INO80D: variants seen among roughly 807,000 people sequenced by gnomAD.
INO80D encodes the protein INO80 complex subunit D.
In INO80D, 21 loss-of-function variants were observed where a neutral mutation model predicts 87.6. The ratio of observed to expected loss-of-function variants is 0.24; its 90% CI spans 0.17 to 0.35. INO80D has a LOEUF of 0.35. Ranked by LOEUF, INO80D falls within the 10% of genes least tolerant of loss-of-function variation. The pLI is 1.00. For missense variants in INO80D, 982 were observed against 1,280.7 expected (o/e 0.77, Z 3.56); for synonymous variants, 440 against 491.0 (o/e 0.90, Z 1.37).
At chr2:206,039,968 C>T (rs1044295126) in intron 5 of INO80D, among the ~76,000 whole-genome samples, 2 of 151,660 alleles carry the variant, frequency 1.3e-5, no homozygotes, top group South Asian at 2.1e-4. Flanking sequence ...AATAAACATA[C>T]GACAAAGAGT....
intron 5 of INO80D, among the ~76,000 whole-genome samples, chr2:206,037,408 CAGAA>C (rs1328334574): frequency 6.6e-6 from 1 of 152,022 alleles, no homozygotes. Context: ...ACAGGAGAAT[CAGAA>C]AGAGGCATAC....
intron 8 of INO80D, among the ~76,000 whole-genome samples, chr2:206,010,083 A>ACACACACACACACGCACG (rs142314785): frequency 5.4e-4 from 81 of 151,276 alleles, no homozygotes; most frequent in African/African-American, 1.9e-3. Context: ...ACACACACAC[A>ACACACACACACACGCACG]CACGCACACA....
chr2:206,007,395 T>C lies in INO80D; in HGVS notation c.1807A>G (p.Ile603Val). Residue 603 changes from isoleucine (I) to valine (V), a missense_variant, in exon 10 of 11, where the codon ATT becomes GTT. Physicochemically the swap from Ile to Val is conservative, Grantham distance 29. Coordinates refer to ENST00000403263, the MANE Select transcript of INO80D (RefSeq NM_017759.5). ...ELSADELPDDIANEITDIPHD... is the reference protein window; with the variant it reads ...ELSADELPDDVANEITDIPHD... ...GGAATGTCAGTGATCTCATTGGCAA[T>C]GTCATCCGGCAACTCATCAGCACTC... 6.2e-7 allele frequency: 1 copy of C among 1,613,732 alleles called. No individual in the cohort carries two copies. The highest frequency in any genetic ancestry group is 8.5e-7 in the Non-Finnish European group (1 of 1,179,806).
intron 5 of INO80D, among the ~76,000 whole-genome samples, chr2:206,045,571 G>A (rs1689171006): frequency 6.6e-6 from 1 of 152,158 alleles, no homozygotes; most frequent in Non-Finnish European, 1.5e-5. Context: ...TGAAGAGGAT[G>A]TGCATTCAAC....
Position 206,009,700 on chromosome 2 carries a change from T to G in INO80D, c.1637A>C (p.Lys546Thr). Reference protein sequence around the residue: ...KKTKPPALTKKHKKKRRRGPR... With the variant: ...KKTKPPALTKTHKKKRRRGPR... ...TCCACGCCTTCTCTTCTTCTTGTGT[T>G]TTTTGGTTAGTGCAGGAGGCTTGGT... Residue 546 changes from lysine to threonine, a missense_variant, in exon 9 of 11, where the codon AAA becomes ACA. Transcript: ENST00000403263. 3.7e-6 allele frequency: 6 copies of G among 1,614,024 alleles called. No individual in the cohort carries two copies. Among genetic ancestry groups the G allele is most frequent in the Non-Finnish European group, 5.1e-6 (6 of 1,179,894 alleles).
chr2:206,063,248 T>C lies in INO80D; in HGVS notation c.-123-4A>G, dbSNP rs554142400. 11 of 542,082 alleles carry C rather than the reference T, an allele frequency of 2.0e-5. No individual in the cohort carries two copies. Among genetic ancestry groups the C allele is most frequent in the East Asian group, 6.6e-5 (2 of 30,528 alleles). The allele number at this position is 542,082 out of a possible 1,614,324, so 33.6% of individuals were successfully genotyped here. A position where few individuals can be genotyped will look rare whatever the true frequency, so the allele number is the denominator to read the frequency against. ...GAATCAGGATGAAGCAGATTGTCTA[T>C]AAAAATATCAAAAGGCCTAGTTAAC... is the stretch of plus-strand genomic sequence containing the variant. On this transcript the variant is annotated splice_region_variant and splice_polypyrimidine_tract_variant and intron_variant, in intron 1 of 10. Transcript: ENST00000403263.
intron 5 of INO80D, among the ~76,000 whole-genome samples, chr2:206,039,241 T>C (rs962344586): frequency 1.3e-5 from 2 of 151,540 alleles, no homozygotes; most frequent in Non-Finnish European, 2.9e-5. Flanking sequence ...CTACTAAAAA[T>C]ACGAAATTAG....
Position 206,004,797 on chromosome 2 carries a change from G to A in INO80D, c.2655C>T (p.Asn885=). The stretch of plus-strand genomic sequence containing the variant: ...GGAGATTGCCCCAGTGAGTTCTGGG[G>A]TTTACCACGCCTCCAAGTGGCACCT... ...QLEVPLGGVV[N]PRTHWGNLPV... is the part of the protein sequence containing the mutation. The change falls in exon 11 of 11, where the codon AAC becomes AAT. Residue 885 remains asparagine (N), a synonymous_variant. Coordinates refer to ENST00000403263, the MANE Select transcript of INO80D (RefSeq NM_017759.5). The surrounding 1 kb of genome is among the most constrained non-coding windows in gnomAD (Gnocchi z 4.9). 1 of 1,614,026 alleles carries A rather than the reference G, an allele frequency of 6.2e-7. No individual in the cohort carries two copies. The highest frequency in any genetic ancestry group is 8.5e-7 in the Non-Finnish European group (1 of 1,179,900).
chr2:206,071,205 T>G (rs1159230642), intron 1 of INO80D, among the ~76,000 whole-genome samples: 1 of 143,122 alleles, frequency 7.0e-6, no homozygotes, highest in Non-Finnish European at 1.5e-5. Context: ...GTGATCCGCC[T>G]GCCTCAGCCT....
At chr2:206,049,590 A>G (rs1689292914) in intron 4 of INO80D, among the ~76,000 whole-genome samples, 2 of 152,210 alleles carry the variant, frequency 1.3e-5, no homozygotes, top group Non-Finnish European at 2.9e-5. Context: ...TAACTGTCCA[A>G]TAAAGCAAAC....
chr2:206,084,795 G>A (rs974184595), intron 1 of INO80D: 1 of 152,220 alleles, frequency 6.6e-6, no homozygotes, highest in Non-Finnish European at 1.5e-5. Flanking sequence ...TGGGGTAAGG[G>A]CTAAAAAAGG....
rs1197146529 is a variant in INO80D, at chr2:206,085,439, G to A, written c.-124+462C>T. On this transcript the variant is annotated intron_variant, in intron 1 of 10. Transcript: ENST00000403263. This position sits in a 1 kb window ranked among gnomAD's most constrained non-coding sequence, Gnocchi z 4.5. Reference sequence around the variant, plus strand: ...GCAGCCCGGGCCTGCCGCCCCGCGGGAAAGCCTCCGGGCCGGCGCGGGATT... The same window carrying A: ...GCAGCCCGGGCCTGCCGCCCCGCGGAAAAGCCTCCGGGCCGGCGCGGGATT... 2 of 151,850 alleles carry A rather than the reference G, an allele frequency of 1.3e-5. No homozygotes were observed. The highest frequency in any genetic ancestry group is 1.9e-4 in the East Asian group (1 of 5,132). 9.4% of individuals were successfully genotyped at this position (151,850 alleles called of 1,614,324 possible).
rs180879501 is a variant in INO80D, at chr2:206,085,594, C to G, written c.-124+307G>C. Reference sequence around the variant, plus strand: ...GGCCCGAGGCCTACCGGCGCCCCCCCCTCCCGCCGCACACCCCCACCTGGC... The same window carrying G: ...GGCCCGAGGCCTACCGGCGCCCCCCGCTCCCGCCGCACACCCCCACCTGGC... On this transcript the variant is annotated intron_variant, in intron 1 of 10. Transcript: ENST00000403263. This position sits in a 1 kb window ranked among gnomAD's most constrained non-coding sequence, Gnocchi z 4.5. 25,740 of 148,956 alleles carry G rather than the reference C, an allele frequency of 0.17. 2,761 individuals are homozygous for G. The highest frequency in any genetic ancestry group is 0.25 in the Non-Finnish European group (16,492 of 66,738). 9.2% of individuals were successfully genotyped at this position (148,956 alleles called of 1,614,324 possible). A position where few individuals can be genotyped will look rare whatever the true frequency, so the allele number is the denominator to read the frequency against.
intron 10 of INO80D, among the ~76,000 whole-genome samples, chr2:206,005,884 A>G (rs1166373115): frequency 6.6e-6 from 1 of 152,250 alleles, no homozygotes; most frequent in African/African-American, 2.4e-5. Flanking sequence ...TAATATTATC[A>G]TCATTAACAT....
chr2:206,042,545 G>T (rs970561109), intron 5 of INO80D, among the ~76,000 whole-genome samples: 2 of 152,062 alleles, frequency 1.3e-5, no homozygotes, highest in African/African-American at 4.8e-5. Context: ...AGCCAGGCGT[G>T]GTGGCTGGCG....
intron 7 of INO80D, among the ~76,000 whole-genome samples, chr2:206,019,423 G>T (rs934093475): frequency 6.6e-6 from 1 of 152,180 alleles, no homozygotes; most frequent in Admixed American, 6.5e-5. Flanking sequence ...TTCCATTAAT[G>T]AGTGTTATAG....
At chr2:206,046,936 A>G (rs1258756479) in intron 4 of INO80D, among the ~76,000 whole-genome samples, 4 of 151,996 alleles carry the variant, frequency 2.6e-5, no homozygotes, top group Non-Finnish European at 4.4e-5. Flanking sequence ...GCCAGCCACC[A>G]CACCCAGCTA....
intron 3 of INO80D, among the ~76,000 whole-genome samples, chr2:206,059,601 T>G (rs1343458873): frequency 2.6e-5 from 4 of 152,114 alleles, no homozygotes; most frequent in Admixed American, 6.6e-5. Context: ...TATGTGTGGG[T>G]GTGTTTTGTT....
rs1437742489 is a variant in INO80D, at chr2:206,005,202, C to A, written c.2250G>T (p.Gly750=). The change falls in exon 11 of 11, where the codon GGG becomes GGT. Residue 750 remains glycine, a synonymous_variant. Transcript: ENST00000403263. ...TLSNPPTPLA[G]QIQGQFSAPA... ...GGGCAGAGAACTGCCCCTGGATCTGCCCTGCCAGGGGTGTAGGTGGGTTTG... is the reference window on the plus strand; with the variant it reads ...GGGCAGAGAACTGCCCCTGGATCTGACCTGCCAGGGGTGTAGGTGGGTTTG... The A allele has an allele frequency of 2.5e-6, 4 of 1,613,866 alleles. No homozygotes were observed. In the African/African-American group the frequency reaches 5.3e-5, roughly 22 times the overall value.
Sources: allele counts gnomAD v4.1 joint callset (sites outside exome capture counted in the v4.1 genomes callset), GRCh38; gene constraint gnomAD v4.1.1; non-coding constraint Gnocchi (gnomAD v3.1); transcripts MANE v1.5; gene names NCBI Gene and HGNC (gene_info 2026-07-23, HGNC 2026-07-21).